Variants in FOXP1 observed in about 807,000 individuals in gnomAD.
FOXP1 encodes the protein forkhead box protein P1.
In FOXP1, 15 loss-of-function variants were observed where a neutral mutation model predicts 98.2. The ratio of observed to expected loss-of-function variants is 0.15; its 90% CI spans 0.10 to 0.24. FOXP1 has a LOEUF of 0.24. FOXP1 is among the 10% of genes least tolerant of loss of function. FOXP1 has a pLI of 1.00. For missense variants in FOXP1, 633 were observed against 848.5 expected, an observed-to-expected ratio of 0.75 and a Z score of 3.15; for synonymous variants, 371 against 314.5, an observed-to-expected ratio of 1.18 and a Z score of -1.90.
At chr3:71,121,036 T>C (rs1467150160) in intron 6 of FOXP1, among the ~76,000 whole-genome samples, 1 of 101,312 alleles carries the variant, frequency 9.9e-6, no homozygotes, top group South Asian at 2.6e-4. Context: ...ATATTTTTTC[T>C]TTCTTTCTTT....
In FOXP1 at chr3:71,052,564, T is replaced by C; in HGVS notation, c.483A>G (p.Gln161=). The C allele has an allele frequency of 7.1e-7, 1 of 1,403,366 alleles. No individual in the cohort carries two copies. Among genetic ancestry groups the C allele is most frequent in the Non-Finnish European group, 1.0e-6 (1 of 987,258 alleles). 86.9% of individuals were successfully genotyped at this position (1,403,366 alleles called of 1,614,324 possible). The change falls in exon 9 of 21, where the codon CAA becomes CAG. Residue 161 remains glutamine (Q), a synonymous_variant. Transcript: ENST00000649528. ...CTTTAGGCTGTTTTCCAGCATGTTG[T>C]TGTTGTAAAAGTTGAAGCTGCAACT... is the stretch of plus-strand genomic sequence containing the variant. The part of the protein sequence containing the change: ...QEQLQLQLLQ[Q]QHAGKQPKEQ...
intron 3 of FOXP1, among the ~76,000 whole-genome samples, chr3:71,418,159 T>C (rs1302032654): frequency 4.6e-5 from 7 of 151,368 alleles, no homozygotes; most frequent in Admixed American, 3.9e-4. Flanking sequence ...TTCCACTGAA[T>C]TGCACCTAAA....
At chr3:71,371,188 G>A (rs1017395387) in intron 3 of FOXP1, among the ~76,000 whole-genome samples, 4 of 152,150 alleles carry the variant, frequency 2.6e-5, no homozygotes, top group East Asian at 3.8e-4. Flanking sequence ...TGGTTCAGGC[G>A]CCACACTTGG....
At chr3:71,123,370 T>C (rs569276590) in intron 6 of FOXP1, among the ~76,000 whole-genome samples, 1 of 152,344 alleles carries the variant, frequency 6.6e-6, no homozygotes, top group East Asian at 1.9e-4. Context: ...TTCACCTCTC[T>C]GGTTAACTGA....
intron 3 of FOXP1, among the ~76,000 whole-genome samples, chr3:71,431,434 T>C (rs568250063): frequency 6.6e-6 from 1 of 152,304 alleles, no homozygotes; most frequent in African/African-American, 2.4e-5. Flanking sequence ...TCAGTGCTCA[T>C]ACCATGCTAG....
At chr3:71,014,699 T>C (rs1381841245) in intron 12 of FOXP1, among the ~76,000 whole-genome samples, 1 of 152,212 alleles carries the variant, frequency 6.6e-6, no homozygotes, top group Non-Finnish European at 1.5e-5. Context: ...ACATGTATGT[T>C]TATTGCGGCA....
chr3:70,980,495 T>A (rs998518634), intron 14 of FOXP1, among the ~76,000 whole-genome samples: 3 of 152,230 alleles, frequency 2.0e-5, no homozygotes, highest in Non-Finnish European at 2.9e-5. Flanking sequence ...ACTTTACAGA[T>A]AAGCAAACTG....
intron 4 of FOXP1, among the ~76,000 whole-genome samples, chr3:71,354,514 G>C (rs900171635): frequency 1.3e-5 from 2 of 152,218 alleles, no homozygotes; most frequent in African/African-American, 4.8e-5. Context: ...TGCTACCTGA[G>C]ACAGGTCATG....
intron 5 of FOXP1, among the ~76,000 whole-genome samples, chr3:71,297,903 G>C (rs550989044): frequency 2.0e-5 from 3 of 152,188 alleles, no homozygotes; most frequent in African/African-American, 7.2e-5. Flanking sequence ...CACCATGCCT[G>C]GCCTGTTTAA....
intron 5 of FOXP1, among the ~76,000 whole-genome samples, chr3:71,240,597 T>C (rs1170144119): frequency 1.3e-5 from 2 of 151,978 alleles, no homozygotes; most frequent in African/African-American, 4.8e-5. Flanking sequence ...GGCTGGAGTG[T>C]AGTGGCGCGA....
intron 3 of FOXP1, among the ~76,000 whole-genome samples, chr3:71,463,469 GC>G (rs1168059176): frequency 1.3e-5 from 2 of 151,860 alleles, no homozygotes; most frequent in Admixed American, 1.3e-4. Flanking sequence ...AAAATTCAGG[GC>G]CCTGCTGGCA....
At chr3:71,118,453 T>C (rs1479876326) in intron 6 of FOXP1, among the ~76,000 whole-genome samples, 1 of 152,192 alleles carries the variant, frequency 6.6e-6, no homozygotes, top group Admixed American at 6.5e-5. Context: ...TTAAGAAACA[T>C]CAACAAGTTT....
intron 2 of FOXP1, among the ~76,000 whole-genome samples, chr3:71,537,405 G>A (rs141571616): frequency 6.6e-6 from 1 of 152,326 alleles, no homozygotes; most frequent in Non-Finnish European, 1.5e-5. Flanking sequence ...ATGGAAAAGT[G>A]TACTAGAAGG....
At chr3:71,166,520 T>A (rs553687942) in intron 6 of FOXP1, among the ~76,000 whole-genome samples, 1 of 152,316 alleles carries the variant, frequency 6.6e-6, no homozygotes, top group Admixed American at 6.5e-5. Flanking sequence ...GTTTGGCCCA[T>A]CTGTTTAAAC....
At chr3:71,485,309 A>G (rs1174294027) in intron 3 of FOXP1, among the ~76,000 whole-genome samples, 1 of 152,240 alleles carries the variant, frequency 6.6e-6, no homozygotes, top group African/African-American at 2.4e-5. Flanking sequence ...AGAAAATAGT[A>G]AACCCCCTTA....
intron 4 of FOXP1, among the ~76,000 whole-genome samples, chr3:71,320,354 G>A (rs2075317108): frequency 6.6e-6 from 1 of 151,584 alleles, no homozygotes; most frequent in African/African-American, 2.4e-5. Flanking sequence ...CACTTTTTTT[G>A]CGGCTCTGGA....
intron 5 of FOXP1, among the ~76,000 whole-genome samples, chr3:71,216,050 C>T (rs537345214): frequency 5.3e-5 from 8 of 152,292 alleles, no homozygotes; most frequent in Admixed American, 3.3e-4. Context: ...ATTATTAGTG[C>T]ACCTGGCACG....
At chr3:71,054,912 G>T (rs1233034393) in intron 7 of FOXP1, among the ~76,000 whole-genome samples, 1 of 152,022 alleles carries the variant, frequency 6.6e-6, no homozygotes, top group Non-Finnish European at 1.5e-5. Flanking sequence ...AGGATATGCT[G>T]TCATCTCATG....
chr3:71,284,191 A>G (rs2071861606), intron 5 of FOXP1, among the ~76,000 whole-genome samples: 1 of 152,238 alleles, frequency 6.6e-6, no homozygotes, highest in African/African-American at 2.4e-5. Flanking sequence ...GGCAAGACAC[A>G]TGGAGAACTT....
Sources: allele counts gnomAD v4.1 joint callset (sites outside exome capture counted in the v4.1 genomes callset), GRCh38; gene constraint gnomAD v4.1.1; transcripts MANE v1.5; gene names NCBI Gene and HGNC (gene_info 2026-07-23, HGNC 2026-07-21).